Variants in UBAP1L observed in about 807,000 individuals in gnomAD.
UBAP1L encodes ubiquitin-associated protein 1-like.
UBAP1L carries 32 observed loss-of-function variants against 32.1 expected under a neutral mutation model. The observed-to-expected ratio is 1.00, with a 90% CI of 0.75 to 1.34. The LOEUF is 1.34. Ranked by LOEUF, UBAP1L falls within the 40% of genes most tolerant of loss-of-function variation. UBAP1L has a pLI of 0.00. For missense variants in UBAP1L, 516 were observed against 540.5 expected (o/e 0.95, Z 0.45); for synonymous variants, 243 against 250.2 (o/e 0.97, Z 0.27).
chr15:65,094,364 G>T lies in UBAP1L; in HGVS notation c.1011+111C>A. 1 of 721,654 alleles carries T rather than the reference G, an allele frequency of 1.4e-6. No individual in the cohort carries two copies. The highest frequency in any genetic ancestry group is 2.3e-6 in the Non-Finnish European group (1 of 442,378). 44.7% of individuals were successfully genotyped at this position (721,654 alleles called of 1,614,324 possible). A position where few individuals can be genotyped will look rare whatever the true frequency, so the allele number is the denominator to read the frequency against. On this transcript the variant is annotated intron_variant, in intron 5 of 5. Coordinates refer to ENST00000559089, the MANE Select transcript of UBAP1L (RefSeq NM_001163692.2). The surrounding 1 kb of genome is among the most constrained non-coding windows in gnomAD (Gnocchi z 4.2). ...CAGGCAATCTCCCGACAGACCCACA[G>T]GCTGGACCCACAGACTGGCTCTGAG...
Position 65,094,662 on chromosome 15 carries a change from G to A in UBAP1L, c.910-86C>T. The A allele has an allele frequency of 3.9e-6, 4 of 1,014,340 alleles. No individual in the cohort carries two copies. The highest frequency in any genetic ancestry group is 6.0e-6 in the Non-Finnish European group (4 of 665,618). 62.8% of individuals were successfully genotyped at this position (1,014,340 alleles called of 1,614,324 possible). ...GGGCAGAGAGGCACTCCAAGGGCCT[G>A]AGCTGAGGGCCAGGCAACAGGGCAA... On this transcript the variant is annotated intron_variant, in intron 4 of 5. Transcript: ENST00000559089. This position sits in a 1 kb window ranked among gnomAD's most constrained non-coding sequence, Gnocchi z 4.2.
At chr15:65,109,300 G>C (rs954558849) in intron 1 of UBAP1L, among the ~76,000 whole-genome samples, 2 of 151,696 alleles carry the variant, frequency 1.3e-5, no homozygotes, top group African/African-American at 4.8e-5. Context: ...TGGCTAACAT[G>C]GTGAAACCCC....
intron 1 of UBAP1L, among the ~76,000 whole-genome samples, chr15:65,114,443 G>A (rs988501385): frequency 1.3e-5 from 2 of 152,118 alleles, no homozygotes; most frequent in Non-Finnish European, 2.9e-5. Flanking sequence ...TCTGTATGAG[G>A]TTAGGGAGTA....
chr15:65,102,593 G>C lies in UBAP1L; in HGVS notation c.212C>G (p.Ala71Gly), dbSNP rs1290106018. Residue 71 changes from alanine (A) to glycine (G), a missense_variant, in exon 3 of 6, where the codon GCG (alanine) becomes GGG (glycine). Coordinates refer to ENST00000559089, the MANE Select transcript of UBAP1L (RefSeq NM_001163692.2). This position sits in a 1 kb window ranked among gnomAD's most constrained non-coding sequence, Gnocchi z 5.0. ...CAAGAGCCAGGCTGGAGGGGCTGAC[G>C]CTGTCCCCGGGTCACCGCACTGGTA... ...SPYQCGDPGT[A>G]SAPPAWLLLV... The C allele has an allele frequency of 1.3e-6, 2 of 1,547,880 alleles. No individual in the cohort carries two copies. The highest frequency in any genetic ancestry group is 1.7e-6 in the Non-Finnish European group (2 of 1,145,966).
At position 65,099,812 on chromosome 15, in the gene UBAP1L, A is replaced by T. The variant is rs147461160; in HGVS notation, c.700-98T>A. On this transcript the variant is annotated intron_variant, in intron 3 of 5. Transcript: ENST00000559089. Reference sequence around the variant, plus strand: ...AATGCCTTTATGTACCACCTTCTGTACAGAGTGTAGGGGCTAATATTATGG... The same window carrying T: ...AATGCCTTTATGTACCACCTTCTGTTCAGAGTGTAGGGGCTAATATTATGG... 7.6e-3 allele frequency: 8,039 copies of T among 1,051,752 alleles called. 54 individuals are homozygous for T. The highest frequency in any genetic ancestry group is 0.021 in the Middle Eastern group (95 of 4,500). The allele number at this position is 1,051,752 out of a possible 1,614,324, so 65.2% of individuals were successfully genotyped here. A position where few individuals can be genotyped will look rare whatever the true frequency, so the allele number is the denominator to read the frequency against.
At chr15:65,104,772 C>G (rs1393436201) in intron 2 of UBAP1L, 1 of 171,282 alleles carries the variant, frequency 5.8e-6, no homozygotes, top group African/African-American at 2.4e-5. Context: ...TTTTGGGAGG[C>G]TGAGGCGGGT....
chr15:65,110,432 C>G (rs1257888139), intron 1 of UBAP1L, among the ~76,000 whole-genome samples: 1 of 151,322 alleles, frequency 6.6e-6, no homozygotes, highest in Non-Finnish European at 1.5e-5. Context: ...AATCCCAGCA[C>G]TCTGGGAGGC....
At chr15:65,112,358 G>A (rs1280831004) in intron 1 of UBAP1L, among the ~76,000 whole-genome samples, 1 of 152,150 alleles carries the variant, frequency 6.6e-6, no homozygotes, top group Non-Finnish European at 1.5e-5. Context: ...AGCAGGTAGT[G>A]GGCAAAGTGT....
rs951264687 is a variant in UBAP1L at position 65,099,395 on chromosome 15, T to C, written c.909+110A>G. The stretch of plus-strand genomic sequence containing the variant: ...CCATAGATGCTCCAGAGCTGTGGGG[T>C]TGGCTGATGCTGTTGTTGGGCCTAT... On this transcript the variant is annotated intron_variant, in intron 4 of 5. Transcript: ENST00000559089. The C allele has an allele frequency of 4.3e-5, 50 of 1,161,238 alleles. No individual in the cohort carries two copies. In the African/African-American group the frequency reaches 5.9e-4, roughly 14 times the overall value. 71.9% of individuals were successfully genotyped at this position (1,161,238 alleles called of 1,614,324 possible). A position where few individuals can be genotyped will look rare whatever the true frequency, so the allele number is the denominator to read the frequency against.
chr15:65,095,929 G>A (rs1466606198), intron 4 of UBAP1L: 2 of 152,222 alleles, frequency 1.3e-5, no homozygotes, highest in African/African-American at 4.8e-5. Context: ...CTCTGAGCAC[G>A]TTTTGAAAAC....
chr15:65,105,428 G>A (rs1205327242), intron 2 of UBAP1L: 1 of 329,276 alleles, frequency 3.0e-6, no homozygotes, highest in Non-Finnish European at 5.8e-6. Flanking sequence ...GCAATGAGCT[G>A]ACATTGTACC....
Position 65,102,455 on chromosome 15 carries a change from G to A in UBAP1L, c.350C>T (p.Ser117Phe), listed in dbSNP as rs1454580018. 8.4e-6 allele frequency: 12 copies of A among 1,425,202 alleles called. No individual in the cohort carries two copies. Among genetic ancestry groups the A allele is most frequent in the African/African-American group, 3.0e-5 (2 of 66,334 alleles). 88.3% of individuals were successfully genotyped at this position (1,425,202 alleles called of 1,614,324 possible). ...EEGEDEAEAS[S>F]GSEEEPAPSS... ...GGGGGCCGGCTCTTCCTCGCTGCCA[G>A]AGGAGGCTTCTGCCTCGTCCTCACC... Residue 117 changes from serine (S) to phenylalanine (F), a missense_variant, in exon 3 of 6, where the codon TCT becomes TTT. Coordinates refer to ENST00000559089, the MANE Select transcript of UBAP1L (RefSeq NM_001163692.2). The surrounding 1 kb of genome is among the most constrained non-coding windows in gnomAD (Gnocchi z 5.0).
At position 65,106,388 on chromosome 15, in the gene UBAP1L, G is replaced by A; in HGVS notation, c.-173C>T. 1 of 620,924 alleles carries A rather than the reference G, an allele frequency of 1.6e-6. No homozygotes were observed. 38.5% of individuals were successfully genotyped at this position (620,924 alleles called of 1,614,324 possible). On this transcript the variant is annotated splice_region_variant and 5_prime_UTR_variant, in exon 2 of 6. Transcript: ENST00000559089. ...GAAAGGAAAAGGTGAGGGGGCCAGT[G>A]CTGCATAAAGGAAGGAAATGAATAA... is the stretch of plus-strand genomic sequence containing the variant.
intron 1 of UBAP1L, among the ~76,000 whole-genome samples, chr15:65,110,751 C>T (rs878983773): frequency 1.3e-5 from 2 of 151,480 alleles, no homozygotes; most frequent in Admixed American, 6.6e-5. Context: ...TTTAAGCTCA[C>T]GACTGCCTAT....
At chr15:65,103,772 T>C (rs1319592573) in intron 2 of UBAP1L, among the ~76,000 whole-genome samples, 2 of 152,100 alleles carry the variant, frequency 1.3e-5, no homozygotes, top group East Asian at 3.8e-4. Context: ...AGAAAGAGAT[T>C]GGAGCAAAAT....
rs1347733903 is a variant in UBAP1L, at chr15:65,102,353, A to T, written c.452T>A (p.Val151Glu). 2.0e-6 allele frequency: 3 copies of T among 1,473,752 alleles called. No homozygotes were observed. Among genetic ancestry groups the T allele is most frequent in the Non-Finnish European group, 2.7e-6 (3 of 1,121,300 alleles). 91.3% of individuals were successfully genotyped at this position (1,473,752 alleles called of 1,614,324 possible). ...RLCSLDVLRG[V>E]RLELAGARRR... Reference sequence around the variant, plus strand: ...CCGCGCCCCTGCCAGCTCCAACCGCACGCCGCGTAGCACGTCCAGCGAGCA... The same window carrying T: ...CCGCGCCCCTGCCAGCTCCAACCGCTCGCCGCGTAGCACGTCCAGCGAGCA... The change falls in exon 3 of 6, where the codon GTG (valine) becomes GAG (glutamate). Residue 151 changes from valine (V) to glutamate (E), a missense_variant. Transcript: ENST00000559089. This position sits in a 1 kb window ranked among gnomAD's most constrained non-coding sequence, Gnocchi z 5.0.
intron 2 of UBAP1L, chr15:65,104,894 C>G (rs1354960760): frequency 2.5e-6 from 1 of 399,964 alleles, no homozygotes; most frequent in African/African-American, 2.1e-5. Flanking sequence ...GTAATCCCAG[C>G]TACTCGGGAG....
At position 65,102,106 on chromosome 15, in the gene UBAP1L, C is replaced by G; in HGVS notation, c.699G>C (p.Ala233=). The part of the protein sequence containing the change: ...PPLRSHKPTV[A]SLSPYTCLPP... ...TTGGAGGGGCGGGCAGAATCCTTAC[C>G]GCGACCGTAGGCTTGTGGCTCCGCA... The change falls in exon 3 of 6, where the codon GCG becomes GCC. Residue 233 remains alanine, a splice_region_variant and synonymous_variant. Transcript: ENST00000559089. The surrounding 1 kb of genome is among the most constrained non-coding windows in gnomAD (Gnocchi z 5.0). 1 of 1,198,770 alleles carries G rather than the reference C, an allele frequency of 8.3e-7. No homozygotes were observed. The allele number at this position is 1,198,770 out of a possible 1,614,324, so 74.3% of individuals were successfully genotyped here. A position where few individuals can be genotyped will look rare whatever the true frequency, so the allele number is the denominator to read the frequency against.
chr15:65,094,886 A>C lies in UBAP1L; in HGVS notation c.910-310T>G. On this transcript the variant is annotated intron_variant, in intron 4 of 5. Transcript: ENST00000559089. The surrounding 1 kb of genome is among the most constrained non-coding windows in gnomAD (Gnocchi z 4.2). ...AGGTGGGGAGCAGGACAGGCTTCAA[A>C]CACAGACATCCCACCTACCACCCAA... 7.2e-6 allele frequency: 3 copies of C among 416,032 alleles called. No homozygotes were observed. Among genetic ancestry groups the C allele is most frequent in the Non-Finnish European group, 9.0e-6 (2 of 222,388 alleles). 25.8% of individuals were successfully genotyped at this position (416,032 alleles called of 1,614,324 possible).
Sources: allele counts gnomAD v4.1 joint callset (sites outside exome capture counted in the v4.1 genomes callset), GRCh38; gene constraint gnomAD v4.1.1; non-coding constraint Gnocchi (gnomAD v3.1); transcripts MANE v1.5; gene names NCBI Gene and HGNC (gene_info 2026-07-23, HGNC 2026-07-21).